The following HS3ST4 variants were observed in gnomAD, a reference collection of about 807,000 sequenced individuals.
HS3ST4 encodes the protein heparan sulfate-glucosamine 3-sulfotransferase 4, also known as heparan sulfate glucosamine 3-O-sulfotransferase 4.
Under a neutral mutation model 29.2 loss-of-function variants are expected in HS3ST4, and 17 were observed. That is an observed-to-expected ratio of 0.58 (90% confidence interval 0.40 to 0.87). The LOEUF (loss-of-function observed/expected upper bound fraction) is 0.87, where lower values mean the gene tolerates loss of function less well. Among genes scored for constraint, HS3ST4 ranks in the 40% least tolerant of loss-of-function variants. The probability of loss-of-function intolerance (pLI) is 0.00; values close to 1 mark genes in which losing one functional copy is unlikely to be tolerated. For synonymous variants in HS3ST4, 314 were observed against 285.7 expected (o/e 1.10, Z -1.00); for missense variants, 627 against 634.5 (o/e 0.99, Z 0.13).
intron 1 of HS3ST4, among the ~76,000 whole-genome samples, chr16:26,063,285 C>G (rs112757925): frequency 6.6e-6 from 1 of 152,104 alleles, no homozygotes; most frequent in Non-Finnish European, 1.5e-5. Flanking sequence ...CAACATCTTC[C>G]TCCCCAACCC....
At chr16:26,135,361 G>A (rs1898267335) in intron 1 of HS3ST4, among the ~76,000 whole-genome samples, 1 of 152,128 alleles carries the variant, frequency 6.6e-6, no homozygotes, top group South Asian at 2.1e-4. Flanking sequence ...ACTGGTAAGA[G>A]GTAGAATAGC....
chr16:25,799,221 C>T (rs572396605), intron 1 of HS3ST4, among the ~76,000 whole-genome samples: 9 of 152,254 alleles, frequency 5.9e-5, no homozygotes, highest in African/African-American at 1.9e-4. Context: ...TCCATGCCAC[C>T]CACATTCAAA....
At chr16:25,762,473 C>A (rs1009584111) in intron 1 of HS3ST4, among the ~76,000 whole-genome samples, 2 of 152,100 alleles carry the variant, frequency 1.3e-5, no homozygotes, top group African/African-American at 2.4e-5. Context: ...GACCAGCCGA[C>A]AGAAGGAGGG....
chr16:25,973,517 C>T lies in HS3ST4; in HGVS notation c.735-162095C>T, dbSNP rs367761530. ...ATGTGCCCATGAAGAGTTCACTATT[C>T]TTTCCTTCCCAGTCTGTTTCTTTGC... is the stretch of plus-strand genomic sequence containing the variant. On this transcript the variant is annotated intron_variant, in intron 1 of 1. Transcript: ENST00000331351. Among the ~76,000 whole-genome samples, 15 of 152,340 alleles carry T rather than the reference C, an allele frequency of 9.8e-5. No homozygotes were observed. The East Asian group carries it at 2.1e-3, about 22-fold the overall frequency.
intron 1 of HS3ST4, among the ~76,000 whole-genome samples, chr16:26,024,235 A>G (rs1359980829): frequency 6.6e-6 from 1 of 151,784 alleles, no homozygotes; most frequent in African/African-American, 2.4e-5. Flanking sequence ...AAGGAAAAAA[A>G]AAAAAAAAAG....
chr16:26,019,579 ATGGGGAC>A (rs1295334215), intron 1 of HS3ST4, among the ~76,000 whole-genome samples: 1 of 152,118 alleles, frequency 6.6e-6, no homozygotes, highest in Admixed American at 6.5e-5. Context: ...CAACAGAGTG[ATGGGGAC>A]TGGCAATGGA....
intron 1 of HS3ST4, among the ~76,000 whole-genome samples, chr16:25,731,353 C>G (rs1210815526): frequency 6.6e-6 from 1 of 151,696 alleles, no homozygotes; most frequent in African/African-American, 2.4e-5. Context: ...TTTCTTTTTT[C>G]TTTTTGAGAC....
intron 1 of HS3ST4, among the ~76,000 whole-genome samples, chr16:25,731,924 G>C (rs1966572111): frequency 6.6e-6 from 1 of 152,222 alleles, no homozygotes; most frequent in South Asian, 2.1e-4. Flanking sequence ...CCCACAGTGA[G>C]CAGACGATTT....
intron 1 of HS3ST4, among the ~76,000 whole-genome samples, chr16:25,830,657 C>A (rs1369651877): frequency 6.6e-6 from 1 of 152,030 alleles, no homozygotes; most frequent in Non-Finnish European, 1.5e-5. Context: ...CAGCTGACAT[C>A]AAAAACTGAG....
At chr16:26,031,200 G>T (rs1969527453) in intron 1 of HS3ST4, among the ~76,000 whole-genome samples, 1 of 152,110 alleles carries the variant, frequency 6.6e-6, no homozygotes, top group Admixed American at 6.5e-5. Flanking sequence ...ATTGGGAAGT[G>T]ATTTTAGATA....
intron 1 of HS3ST4, among the ~76,000 whole-genome samples, chr16:25,933,903 ACCCC>A (rs1044838644): frequency 3.9e-5 from 6 of 152,050 alleles, no homozygotes; most frequent in Non-Finnish European, 8.8e-5. Flanking sequence ...TGAGGAATCC[ACCCC>A]CATAACTCAA....
At chr16:25,715,666 A>T (rs1030260730) in intron 1 of HS3ST4, among the ~76,000 whole-genome samples, 1 of 152,234 alleles carries the variant, frequency 6.6e-6, no homozygotes, top group Non-Finnish European at 1.5e-5. Context: ...CCTTTTTTAA[A>T]CTTTTCCGAA....
intron 1 of HS3ST4, among the ~76,000 whole-genome samples, chr16:25,929,402 A>G (rs115902246): frequency 6.6e-4 from 101 of 152,240 alleles, no homozygotes; most frequent in African/African-American, 2.3e-3. Flanking sequence ...AAAAAAAGAA[A>G]AGAAAGGTTC....
intron 1 of HS3ST4, among the ~76,000 whole-genome samples, chr16:26,009,798 A>T (rs534203933): frequency 6.6e-6 from 1 of 152,192 alleles, no homozygotes; most frequent in Non-Finnish European, 1.5e-5. Context: ...CCTAACCTCA[A>T]TGGAGCTGGA....
chr16:25,929,363 T>TCAAA (rs376053647), intron 1 of HS3ST4, among the ~76,000 whole-genome samples: 1 of 151,434 alleles, frequency 6.6e-6, no homozygotes, highest in Non-Finnish European at 1.5e-5. Flanking sequence ...AGACTCCATC[T>TCAAA]CAAACAAACA....
intron 1 of HS3ST4, among the ~76,000 whole-genome samples, chr16:26,071,983 C>T (rs1258550768): frequency 6.6e-6 from 1 of 152,146 alleles, no homozygotes; most frequent in Non-Finnish European, 1.5e-5. Context: ...TCTTCTCCTC[C>T]GATGGGCCCT....
intron 1 of HS3ST4, among the ~76,000 whole-genome samples, chr16:25,935,655 C>CT (rs1968510617): frequency 6.6e-6 from 1 of 152,118 alleles, no homozygotes. Context: ...TCACTCATTC[C>CT]TTTTTAGTGC....
chr16:25,949,091 A>ATTTATGG (rs1968658931), intron 1 of HS3ST4, among the ~76,000 whole-genome samples: 1 of 151,750 alleles, frequency 6.6e-6, no homozygotes, highest in Non-Finnish European at 1.5e-5. Context: ...GTGGGTACAT[A>ATTTATGG]GTAGGTGTAT....
intron 1 of HS3ST4, among the ~76,000 whole-genome samples, chr16:25,904,217 CGGAT>C (rs1364102390): frequency 5.9e-4 from 84 of 142,166 alleles, no homozygotes; most frequent in African/African-American, 2.2e-3. Flanking sequence ...GATGGATGGA[CGGAT>C]GGATGGATGA....
Sources: allele counts gnomAD v4.1 joint callset (sites outside exome capture counted in the v4.1 genomes callset), GRCh38; gene constraint gnomAD v4.1.1; transcripts MANE v1.5; gene names NCBI Gene and HGNC (gene_info 2026-07-23, HGNC 2026-07-21).